Variants in ZNF346 observed in about 807,000 individuals in gnomAD.
ZNF346 encodes double-stranded RNA-binding zinc finger protein JAZ.
ZNF346 carries 23 observed loss-of-function variants against 33.7 expected under a neutral mutation model. The observed-to-expected ratio is 0.68, with a 90% CI of 0.49 to 0.97. The LOEUF is 0.97. ZNF346 is among the 50% of genes least tolerant of loss of function. ZNF346 has a pLI of 0.00. For synonymous variants in ZNF346, 134 were observed against 142.4 expected (o/e 0.94, Z 0.42); for missense variants, 340 against 371.1 (o/e 0.92, Z 0.69).
intron 4 of ZNF346, among the ~76,000 whole-genome samples, chr5:177,050,205 A>G (rs767902917): frequency 3.3e-5 from 5 of 152,200 alleles, no homozygotes; most frequent in Admixed American, 1.3e-4. Flanking sequence ...CATCCCTAGT[A>G]TGGTTACCTT....
At chr5:177,042,870 A>G (rs1408518801) in intron 3 of ZNF346, among the ~76,000 whole-genome samples, 1 of 152,106 alleles carries the variant, frequency 6.6e-6, no homozygotes, top group African/African-American at 2.4e-5. Flanking sequence ...AGCTAGGACT[A>G]CAGGCACACA....
At position 177,022,760 on chromosome 5, in the gene ZNF346, A is replaced by G. The variant is rs1199394746; in HGVS notation, c.22A>G (p.Thr8Ala). 1.9e-6 allele frequency: 3 copies of G among 1,557,298 alleles called. No homozygotes were observed. The highest frequency in any genetic ancestry group is 2.8e-5 in the African/African-American group (2 of 72,350). ...GAAGATGGAGTATCCCGCGCCGGCC[A>G]CGGTGCAGGCCGCGGACGGCGGAGC... Reference protein sequence around the residue: MEYPAPATVQAADGGAAG... With the variant: MEYPAPAAVQAADGGAAG... Residue 8 changes from threonine (T) to alanine (A), a missense_variant, in exon 1 of 7, where the codon ACG becomes GCG. Thr to Ala is a moderately conservative substitution (Grantham distance 58, BLOSUM62 0). Coordinates refer to ENST00000358149, the MANE Select transcript of ZNF346 (RefSeq NM_012279.4).
At chr5:177,044,047 A>G (rs1779716031) in intron 3 of ZNF346, among the ~76,000 whole-genome samples, 1 of 152,058 alleles carries the variant, frequency 6.6e-6, no homozygotes, top group Non-Finnish European at 1.5e-5. Flanking sequence ...TGTTTACTGA[A>G]TGATGTTTTT....
intron 4 of ZNF346, among the ~76,000 whole-genome samples, chr5:177,047,028 A>T (rs1201189261): frequency 7.5e-6 from 1 of 133,946 alleles, no homozygotes; most frequent in Admixed American, 7.1e-5. Flanking sequence ...TTTTTTATTT[A>T]TTTTTATTTA....
intron 1 of ZNF346, among the ~76,000 whole-genome samples, chr5:177,033,109 C>T (rs1267048731): frequency 6.6e-6 from 1 of 152,180 alleles, no homozygotes; most frequent in Non-Finnish European, 1.5e-5. Context: ...GGGGATCTTG[C>T]TCTGTCACCC....
In ZNF346 at chr5:177,064,881, C is replaced by T; in HGVS notation, c.*282C>T. The T allele has an allele frequency of 2.4e-6, 1 of 413,388 alleles. No individual in the cohort carries two copies. Among genetic ancestry groups the T allele is most frequent in the Admixed American group, 3.8e-5 (1 of 26,276 alleles). 25.6% of individuals were successfully genotyped at this position (413,388 alleles called of 1,614,324 possible). A position where few individuals can be genotyped will look rare whatever the true frequency, so the allele number is the denominator to read the frequency against. ...AGGGTGGCTTTCCCCATTTCCCAAC[C>T]CCTCTGGGCCTTAGGTGCTGAGGCC... On this transcript the variant is annotated 3_prime_UTR_variant, in exon 7 of 7. Transcript: ENST00000358149.
chr5:177,050,577 TCA>T (rs1218116476), intron 4 of ZNF346, 172 bp from the exon 5 acceptor site: 14 of 656,586 alleles, frequency 2.1e-5, no homozygotes, highest in Non-Finnish European at 3.5e-5. Context: ...CCTGTGTGAC[TCA>T]CACAGGCAGT....
chr5:177,038,796 G>C (rs1778911555), intron 1 of ZNF346, among the ~76,000 whole-genome samples: 1 of 151,834 alleles, frequency 6.6e-6, no homozygotes, highest in South Asian at 2.1e-4. Flanking sequence ...TCTGACCCCT[G>C]GGTATTACCT....
intron 1 of ZNF346, among the ~76,000 whole-genome samples, chr5:177,030,638 T>G (rs1188584085): frequency 2.6e-5 from 4 of 151,950 alleles, no homozygotes; most frequent in Non-Finnish European, 5.9e-5. Context: ...TTTATTGACG[T>G]AAATCTCACA....
At chr5:177,036,191 C>G (rs1778488854) in intron 1 of ZNF346, among the ~76,000 whole-genome samples, 2 of 152,148 alleles carry the variant, frequency 1.3e-5, no homozygotes, top group South Asian at 2.1e-4. Context: ...CCAGACATCT[C>G]TCTTTTCATG....
At chr5:177,058,608 A>G (rs751006850) in intron 5 of ZNF346, among the ~76,000 whole-genome samples, 7 of 152,228 alleles carry the variant, frequency 4.6e-5, no homozygotes, top group African/African-American at 1.7e-4. Flanking sequence ...CTTCACAAAT[A>G]AAGAAGTTGA....
intron 5 of ZNF346, among the ~76,000 whole-genome samples, chr5:177,056,930 TAAAA>T (rs902422439): frequency 2.0e-5 from 3 of 152,136 alleles, no homozygotes; most frequent in African/African-American, 7.2e-5. Context: ...AAATTAAAAA[TAAAA>T]AACAAGAAAT....
intron 5 of ZNF346, among the ~76,000 whole-genome samples, chr5:177,055,715 T>G (rs930355930): frequency 6.6e-6 from 1 of 151,634 alleles, no homozygotes; most frequent in Non-Finnish European, 1.5e-5. Context: ...CCAAGATAGG[T>G]GGATCACTTG....
intron 5 of ZNF346, among the ~76,000 whole-genome samples, chr5:177,057,248 C>T (rs1441389916): frequency 6.6e-6 from 1 of 151,878 alleles, no homozygotes; most frequent in Admixed American, 6.6e-5. Flanking sequence ...GAACTGAGAT[C>T]GCACTATTGC....
intron 1 of ZNF346, among the ~76,000 whole-genome samples, chr5:177,030,302 T>A (rs559307976): frequency 1.3e-5 from 2 of 152,124 alleles, no homozygotes; most frequent in South Asian, 4.1e-4. Flanking sequence ...AGAATATACT[T>A]GAGATGAGTT....
chr5:177,068,905 A>G (rs553355247), downstream of ZNF346, among the ~76,000 whole-genome samples: 1 of 143,260 alleles, frequency 7.0e-6, no homozygotes, highest in East Asian at 1.9e-4. Flanking sequence ...TTTAGACTTC[A>G]GTTTGATGAA....
At position 177,064,505 on chromosome 5, in the gene ZNF346, A is replaced by T. The variant is rs748480053; in HGVS notation, c.798-7A>T. On this transcript the variant is annotated splice_polypyrimidine_tract_variant and splice_region_variant and intron_variant, in intron 6 of 6. Coordinates refer to ENST00000358149, the MANE Select transcript of ZNF346 (RefSeq NM_012279.4). ...GACCCTCTTCCTTTGTTCCTTCTCA[A>T]ATACAGGTCACCAAAAACAGTGGCA... The T allele has an allele frequency of 3.8e-5, 61 of 1,613,178 alleles. No homozygotes were observed. The Admixed American group carries it at 1.0e-3, about 27-fold the overall frequency.
Position 177,051,445 on chromosome 5 carries a change from A to G in ZNF346, c.703+509A>G, listed in dbSNP as rs1208880295. Among the ~76,000 whole-genome samples, 5 of 149,826 alleles carry G rather than the reference A, an allele frequency of 3.3e-5. No individual in the cohort carries two copies. In the East Asian group the frequency reaches 8.1e-4, roughly 24 times the overall value. On this transcript the variant is annotated intron_variant, in intron 5 of 6. Transcript: ENST00000358149. ...CCACCTCGGCCTCCCAAAGTGCTAG[A>G]ATTACAGGCGTGAGCCACCGCGCCC...
At position 177,022,747 on chromosome 5, in the gene ZNF346, T is replaced by C; in HGVS notation, c.9T>C (p.Tyr3=). 2 of 1,554,064 alleles carry C rather than the reference T, an allele frequency of 1.3e-6. No individual in the cohort carries two copies. The highest frequency in any genetic ancestry group is 1.7e-6 in the Non-Finnish European group (2 of 1,153,994). The stretch of plus-strand genomic sequence containing the variant: ...GAGGGTTTGCGGGGAAGATGGAGTA[T>C]CCCGCGCCGGCCACGGTGCAGGCCG... ME[Y]PAPATVQAAD... The change falls in exon 1 of 7, where the codon TAT becomes TAC. Residue 3 remains tyrosine, a synonymous_variant. Transcript: ENST00000358149.
Sources: allele counts gnomAD v4.1 joint callset (sites outside exome capture counted in the v4.1 genomes callset), GRCh38; gene constraint gnomAD v4.1.1; transcripts MANE v1.5; gene names NCBI Gene and HGNC (gene_info 2026-07-23, HGNC 2026-07-21).